The following DCAF7 variants were observed in gnomAD, a reference collection of about 807,000 sequenced individuals.
DCAF7 encodes DDB1 and CUL4 associated factor 7, also known as DDB1- and CUL4-associated factor 7.
Under a neutral mutation model 41.2 loss-of-function variants are expected in DCAF7, and 4 were observed. The ratio of observed to expected loss-of-function variants is 0.10; its 90% CI spans 0.05 to 0.22. The LOEUF is 0.22. DCAF7 is among the 10% of genes least tolerant of loss of function. The pLI, the probability that DCAF7 is intolerant of heterozygous loss-of-function variation, is 1.00. For missense variants in DCAF7, 131 were observed against 443.2 expected (o/e 0.30, Z 6.32); for synonymous variants, 143 against 164.2 (o/e 0.87, Z 0.99).
chr17:63,560,048 A>G (rs1330542366), intron 1 of DCAF7, among the ~76,000 whole-genome samples: 3 of 152,210 alleles, frequency 2.0e-5, no homozygotes, highest in African/African-American at 7.2e-5. Flanking sequence ...TCACCAGGAG[A>G]CCAGTCACCC....
At chr17:63,577,070 C>A (rs1002424329) in intron 1 of DCAF7, among the ~76,000 whole-genome samples, 3 of 152,174 alleles carry the variant, frequency 2.0e-5, no homozygotes, top group Non-Finnish European at 4.4e-5. Flanking sequence ...CCATCTGATT[C>A]TATTTATATC....
intron 6 of DCAF7, among the ~76,000 whole-genome samples, chr17:63,587,900 C>T (rs561408195): frequency 8.0e-5 from 12 of 150,046 alleles, no homozygotes; most frequent in African/African-American, 2.9e-4. Flanking sequence ...GCAGGAGAAT[C>T]GCTTGAACCT....
intron 1 of DCAF7, among the ~76,000 whole-genome samples, chr17:63,558,977 A>G (rs184043611): frequency 6.6e-6 from 1 of 152,296 alleles, no homozygotes; most frequent in East Asian, 1.9e-4. Context: ...GAATACAAAA[A>G]GAAATGTAGT....
At chr17:63,570,568 G>A (rs2033495766) in intron 1 of DCAF7, among the ~76,000 whole-genome samples, 2 of 152,222 alleles carry the variant, frequency 1.3e-5, no homozygotes, top group Admixed American at 6.5e-5. Context: ...GTGAGGGAGG[G>A]TGTAGGGAAA....
intron 1 of DCAF7, among the ~76,000 whole-genome samples, chr17:63,576,388 G>A (rs939136651): frequency 3.9e-5 from 6 of 152,078 alleles, no homozygotes; most frequent in South Asian, 2.1e-4. Context: ...GGAGGTTGCC[G>A]TAAGCCAAGA....
rs954509004 is a variant in DCAF7 at position 63,592,418 on chromosome 17, A to AT, written c.*3246_*3247insT. 4.1e-4 allele frequency: 61 copies of AT among 149,846 alleles called. 2 individuals are homozygous for AT. Among genetic ancestry groups the AT allele is most frequent in the Admixed American group, 1.3e-3 (19 of 15,182 alleles). 9.3% of individuals were successfully genotyped at this position (149,846 alleles called of 1,614,324 possible). A position where few individuals can be genotyped will look rare whatever the true frequency, so the allele number is the denominator to read the frequency against. On this transcript the variant is annotated 3_prime_UTR_variant, in exon 7 of 7. Coordinates refer to ENST00000614556, the MANE Select transcript of DCAF7 (RefSeq NM_005828.5). ...AGACTCCGTCTCAAAAAATAAAAAAAAAAAAAAAATAGGTGAAAATTCCTT... is the reference window on the plus strand; with the variant it reads ...AGACTCCGTCTCAAAAAATAAAAAAATAAAAAAAAATAGGTGAAAATTCCTT...
At chr17:63,568,752 G>A (rs16946988) in intron 1 of DCAF7, among the ~76,000 whole-genome samples, 2,161 of 152,252 alleles carry the variant, frequency 0.014, 52 homozygotes, top group African/African-American at 0.05. Flanking sequence ...GACTGGACCC[G>A]GCCAGTGGAA....
chr17:63,585,258 A>G lies in DCAF7; in HGVS notation c.786A>G (p.Leu262=). ...VRVPCTPVAR[L]NNHRACVNGI... is the part of the protein sequence containing the mutation. ...TTCCCTGCACACCTGTCGCCAGGTT[A>G]AACAACCATCGAGCATGTGTCAATG... The change falls in exon 6 of 7, where the codon TTA becomes TTG. Residue 262 remains leucine, a synonymous_variant. Coordinates refer to ENST00000614556, the MANE Select transcript of DCAF7 (RefSeq NM_005828.5). 6.2e-7 allele frequency: 1 copy of G among 1,614,046 alleles called. No individual in the cohort carries two copies. The highest frequency in any genetic ancestry group is 1.1e-5 in the South Asian group (1 of 91,084).
At chr17:63,577,440 A>G (rs1398616472) in intron 1 of DCAF7, among the ~76,000 whole-genome samples, 1 of 152,200 alleles carries the variant, frequency 6.6e-6, no homozygotes, top group African/African-American at 2.4e-5. Context: ...TTGGAAGTTC[A>G]TAAGCAAATG....
Position 63,554,575 on chromosome 17 carries a change from C to T in DCAF7, c.138+3760C>T, listed in dbSNP as rs150969508. On this transcript the variant is annotated intron_variant, in intron 1 of 6. Coordinates refer to ENST00000614556, the MANE Select transcript of DCAF7 (RefSeq NM_005828.5). Reference sequence around the variant, plus strand: ...GTGATTAGCCTGGGTTATCTAAGTCCTGCCACTTCCCAGTTTTGTATTGCC... The same window carrying T: ...GTGATTAGCCTGGGTTATCTAAGTCTTGCCACTTCCCAGTTTTGTATTGCC... 3.0e-3 allele frequency among the ~76,000 whole-genome samples: 456 copies of T among 152,376 alleles called. 2 individuals are homozygous for T. The highest frequency in any genetic ancestry group is 0.01 in the African/African-American group (429 of 41,592).
chr17:63,551,582 A>G (rs2033255108), intron 1 of DCAF7, among the ~76,000 whole-genome samples: 1 of 152,046 alleles, frequency 6.6e-6, no homozygotes, highest in African/African-American at 2.4e-5. Context: ...GAGCTTTTAA[A>G]CTGGCATTGC....
At position 63,578,463 on chromosome 17, in the gene DCAF7, G is replaced by A; in HGVS notation, c.139-7G>A. On this transcript the variant is annotated splice_region_variant and splice_polypyrimidine_tract_variant and intron_variant, in intron 1 of 6. Transcript: ENST00000614556. ...TGCTTATGTGGCTCAACTTTGGTAT[G>A]TTACAGGTTCAGCTTGTTGGTTTAG... is the stretch of plus-strand genomic sequence containing the variant. 6.2e-7 allele frequency: 1 copy of A among 1,613,970 alleles called. No individual in the cohort carries two copies. Among genetic ancestry groups the A allele is most frequent in the South Asian group, 1.1e-5 (1 of 91,084 alleles).
rs377638787 is a variant in DCAF7, at chr17:63,588,189, A to ATTTTTTTTTTTTTTTTTTTTTTTT, written c.857-795_857-794insTTTTTTTTTTTTTTTTTTTTTTTT. Among the ~76,000 whole-genome samples the ATTTTTTTTTTTTTTTTTTTTTTTT allele has an allele frequency of 9.1e-5, 11 of 120,224 alleles. 2 individuals are homozygous for ATTTTTTTTTTTTTTTTTTTTTTTT. The highest frequency in any genetic ancestry group is 4.3e-4 in the African/African-American group (11 of 25,416). The allele number at this position is 120,224 out of a possible 152,430, so 78.9% of individuals were successfully genotyped here. On this transcript the variant is annotated intron_variant, in intron 6 of 6. Transcript: ENST00000614556. ...GTGTTTCCCATAGCTATTTTCTTGG[A>ATTTTTTTTTTTTTTTTTTTTTTTT]TTTTTTTTTTTTTTTTGAGATGAAG...
At chr17:63,552,710 A>G (rs1017209704) in intron 1 of DCAF7, among the ~76,000 whole-genome samples, 1 of 152,206 alleles carries the variant, frequency 6.6e-6, no homozygotes, top group East Asian at 1.9e-4. Flanking sequence ...AGTTACTCCT[A>G]TTCCTCAGAG....
At chr17:63,551,303 T>TCCCC (rs772481367) in intron 1 of DCAF7, among the ~76,000 whole-genome samples, 28 of 79,544 alleles carry the variant, frequency 3.5e-4, no homozygotes, top group Admixed American at 4.3e-4. Context: ...CGCCCCCTAC[T>TCCCC]CCCACCCCCC....
At chr17:63,572,779 C>G (rs954786898) in intron 1 of DCAF7, among the ~76,000 whole-genome samples, 1 of 152,062 alleles carries the variant, frequency 6.6e-6, no homozygotes, top group Non-Finnish European at 1.5e-5. Flanking sequence ...CTTTGTTTTT[C>G]TGAGACAAGG....
At chr17:63,558,628 C>T (rs1405386600) in intron 1 of DCAF7, among the ~76,000 whole-genome samples, 1 of 152,154 alleles carries the variant, frequency 6.6e-6, no homozygotes, top group Non-Finnish European at 1.5e-5. Flanking sequence ...ACCTCAAACT[C>T]CTGGGCTTAA....
intron 2 of DCAF7, among the ~76,000 whole-genome samples, chr17:63,579,053 C>T (rs922211562): frequency 6.6e-6 from 1 of 152,166 alleles, no homozygotes; most frequent in East Asian, 1.9e-4. Flanking sequence ...GTAGCATGGG[C>T]GTGGCCTTAG....
At chr17:63,560,929 T>C (rs1024620466) in intron 1 of DCAF7, among the ~76,000 whole-genome samples, 2 of 152,158 alleles carry the variant, frequency 1.3e-5, no homozygotes, top group African/African-American at 4.8e-5. Flanking sequence ...AAAGGAAATA[T>C]TTTACATGTT....
Sources: gnomAD v4.1 joint callset for allele counts (sites outside exome capture counted in the v4.1 genomes callset) on GRCh38, gnomAD v4.1.1 for gene constraint, MANE v1.5 for transcripts, NCBI Gene and HGNC (gene_info 2026-07-23, HGNC 2026-07-21) for gene names.